SETD4: variants seen among roughly 807,000 people sequenced by gnomAD.
SETD4 encodes SET domain-containing protein 4.
SETD4 carries 46 observed loss-of-function variants against 58.3 expected under a neutral mutation model. The ratio of observed to expected loss-of-function variants is 0.79; its 90% CI spans 0.62 to 1.01. The LOEUF (loss-of-function observed/expected upper bound fraction) is 1.01. Ranked by LOEUF, SETD4 falls within the 50% of genes least tolerant of loss-of-function variation. SETD4 has a pLI of 0.00. For synonymous variants in SETD4, 190 were observed against 202.6 expected, an observed-to-expected ratio of 0.94 and a Z score of 0.53; for missense variants, 490 against 523.3, an observed-to-expected ratio of 0.94 and a Z score of 0.62.
Position 36,057,098 on chromosome 21 carries a change from C to T in SETD4, c.169+11G>A. ...TGGGAAAGGGCAGGACAGCTGAAGGCTAGATCTTACCTGGAAAACAAGCAG... is the reference window on the plus strand; with the variant it reads ...TGGGAAAGGGCAGGACAGCTGAAGGTTAGATCTTACCTGGAAAACAAGCAG... On this transcript the variant is annotated intron_variant, in intron 3 of 11. Transcript: ENST00000332131. 6.2e-7 allele frequency: 1 copy of T among 1,612,528 alleles called. No individual in the cohort carries two copies. The highest frequency in any genetic ancestry group is 1.1e-5 in the South Asian group (1 of 91,038).
intron 3 of SETD4, among the ~76,000 whole-genome samples, chr21:36,056,075 A>C (rs1005921978): frequency 9.9e-5 from 15 of 152,228 alleles, no homozygotes; most frequent in Non-Finnish European, 2.1e-4. Flanking sequence ...GTTCATGACC[A>C]TCAACTAGAA....
intron 8 of SETD4, 106 bp from the exon 9 acceptor site, chr21:36,040,761 T>A: frequency 1.0e-6 from 1 of 959,862 alleles, no homozygotes; most frequent in Non-Finnish European, 1.7e-6. Flanking sequence ...TTGCTAAATG[T>A]CATGTAACCT....
intron 8 of SETD4, among the ~76,000 whole-genome samples, chr21:36,041,194 C>T (rs1365810835): frequency 7.7e-6 from 1 of 130,296 alleles, no homozygotes; most frequent in African/African-American, 2.9e-5. Flanking sequence ...AAAAAAAGAG[C>T]TTAACCATGG....
At chr21:36,057,397 G>A (rs981797933) in intron 2 of SETD4, 193 bp from the exon 3 acceptor site, 4 of 718,406 alleles carry the variant, frequency 5.6e-6, no homozygotes, top group Middle Eastern at 2.3e-4. Context: ...TGTATTCCCA[G>A]CATTTGGGAG....
intron 6 of SETD4, among the ~76,000 whole-genome samples, chr21:36,045,348 C>T (rs1228203504): frequency 2.7e-5 from 4 of 150,666 alleles, no homozygotes; most frequent in African/African-American, 7.3e-5. Flanking sequence ...CAGCACGAGG[C>T]TCTGTAGGCC....
chr21:36,052,557 C>CAAA (rs35631970), intron 4 of SETD4, among the ~76,000 whole-genome samples: 1 of 50,352 alleles, frequency 2.0e-5, no homozygotes. Flanking sequence ...GACTCTGTCT[C>CAAA]AAAAAAAAAA....
At position 36,059,906 on chromosome 21, in the gene SETD4, C is replaced by A. The variant is rs2065204085; in HGVS notation, c.-37+441G>T. 4 of 985,276 alleles carry A rather than the reference C, an allele frequency of 4.1e-6. No individual in the cohort carries two copies. In the Admixed American group the frequency reaches 2.5e-4, roughly 61 times the overall value. The allele number at this position is 985,276 out of a possible 1,614,324, so 61.0% of individuals were successfully genotyped here. On this transcript the variant is annotated intron_variant, in intron 1 of 11. Transcript: ENST00000332131. ...CCAGCGCTCAGTCCACAGACCGCGC[C>A]GGGAAGTGTCCCCAAGACTCCCGGG...
chr21:36,056,783 C>T (rs2065008773), intron 3 of SETD4, among the ~76,000 whole-genome samples: 1 of 152,118 alleles, frequency 6.6e-6, no homozygotes, highest in Non-Finnish European at 1.5e-5. Flanking sequence ...GTCTCAAACT[C>T]ATGAGCTCAA....
Position 36,043,947 on chromosome 21 carries a change from C to G in SETD4, c.736G>C (p.Ala246Pro), listed in dbSNP as rs1443715273. ...NHSPHVQVKA[A>P]FNEETHSYEI... is the part of the protein sequence containing the mutation. ...TAAGAATGAGTTTCTTCATTAAACG[C>G]TGCTTTTACCTAGAAAGAAAAACTG... Residue 246 changes from alanine (A) to proline (P), a missense_variant, in exon 7 of 12, where the codon GCG becomes CCG. Transcript: ENST00000332131. The G allele has an allele frequency of 6.2e-7, 1 of 1,613,858 alleles. No homozygotes were observed. The highest frequency in any genetic ancestry group is 1.1e-5 in the South Asian group (1 of 90,962).
Position 36,057,391 on chromosome 21 carries a change from T to C in SETD4, c.74-187A>G, listed in dbSNP as rs750044932. The C allele has an allele frequency of 5.5e-6, 4 of 721,064 alleles. No homozygotes were observed. The Middle Eastern group carries it at 6.9e-4, about 124-fold the overall frequency. The allele number at this position is 721,064 out of a possible 1,614,324, so 44.7% of individuals were successfully genotyped here. A position where few individuals can be genotyped will look rare whatever the true frequency, so the allele number is the denominator to read the frequency against. The stretch of plus-strand genomic sequence containing the variant: ...CCAGGCGCAATGACTCACTTCTGTA[T>C]TCCCAGCATTTGGGAGGCCAAGGCG... On this transcript the variant is annotated intron_variant, in intron 2 of 11. Coordinates refer to ENST00000332131, the MANE Select transcript of SETD4 (RefSeq NM_017438.5).
Position 36,053,625 on chromosome 21 carries a change from G to A in SETD4, c.170-5C>T, listed in dbSNP as rs1471162007. On this transcript the variant is annotated splice_polypyrimidine_tract_variant and splice_region_variant and intron_variant, in intron 3 of 11. Coordinates refer to ENST00000332131, the MANE Select transcript of SETD4 (RefSeq NM_017438.5). ...TCATCAGCCCTCTTCCTGTACCTAG[G>A]AAAGCAAAGACAGAAAGAGAGTAAA... is the stretch of plus-strand genomic sequence containing the variant. The A allele has an allele frequency of 6.2e-7, 1 of 1,613,608 alleles. No homozygotes were observed. The highest frequency in any genetic ancestry group is 8.5e-7 in the Non-Finnish European group (1 of 1,179,790).
chr21:36,040,536 C>T (rs1288247511), intron 9 of SETD4, 39 bp downstream of exon 9: 1 of 1,546,692 alleles, frequency 6.5e-7, no homozygotes, highest in African/African-American at 1.4e-5. Flanking sequence ...TATATCTAGC[C>T]TGTTGCTACA....
chr21:36,052,558 A>AG (rs35566410), intron 4 of SETD4, among the ~76,000 whole-genome samples: 1 of 122,468 alleles, frequency 8.2e-6, no homozygotes, highest in Non-Finnish European at 1.9e-5. Context: ...ACTCTGTCTC[A>AG]AAAAAAAAAA....
chr21:36,050,612 T>C (rs2064622643), intron 4 of SETD4: 3 of 1,612,402 alleles, frequency 1.9e-6, no homozygotes, highest in Non-Finnish European at 2.5e-6. Context: ...TGCCGGATAC[T>C]TTCTCTTATG....
Position 36,054,674 on chromosome 21 carries a change from G to C in SETD4, c.170-1054C>G, listed in dbSNP as rs146447787. Among the ~76,000 whole-genome samples the C allele has an allele frequency of 6.4e-3, 967 of 151,404 alleles. 10 individuals carry two copies. Among genetic ancestry groups the C allele is most frequent in the African/African-American group, 0.022 (921 of 41,112 alleles). On this transcript the variant is annotated intron_variant, in intron 3 of 11. Coordinates refer to ENST00000332131, the MANE Select transcript of SETD4 (RefSeq NM_017438.5). The stretch of plus-strand genomic sequence containing the variant: ...CTCCTGGCTCATGGTGGGAATTCCT[G>C]CCTCAAGTCCTCCATCGGTTTCCTG...
At chr21:36,053,770 G>T in intron 3 of SETD4, 150 bp from the exon 4 acceptor site, 1 of 761,084 alleles carries the variant, frequency 1.3e-6, no homozygotes. Context: ...GGGAAACAGG[G>T]AGTCAGAAAG....
At chr21:36,053,652 C>A in intron 3 of SETD4, 32 bp from the exon 4 acceptor site, 1 of 1,609,044 alleles carries the variant, frequency 6.2e-7, no homozygotes, top group Non-Finnish European at 8.5e-7. Flanking sequence ...GAGAGTAAAT[C>A]CTACCATAAC....
chr21:36,046,138 C>T, intron 5 of SETD4, 127 bp from the exon 6 acceptor site: 2 of 973,894 alleles, frequency 2.1e-6, no homozygotes, highest in Non-Finnish European at 3.0e-6. Flanking sequence ...ACTTAACAGA[C>T]TCAAGAGTTC....
chr21:36,055,728 C>T (rs752637145), intron 3 of SETD4, among the ~76,000 whole-genome samples: 29 of 152,166 alleles, frequency 1.9e-4, no homozygotes, highest in Admixed American at 4.6e-4. Context: ...CTGCATCACC[C>T]GAAATCTGGG....
Sources: gnomAD v4.1 joint callset for allele counts (sites outside exome capture counted in the v4.1 genomes callset) on GRCh38, gnomAD v4.1.1 for gene constraint, MANE v1.5 for transcripts, NCBI Gene and HGNC (gene_info 2026-07-23, HGNC 2026-07-21) for gene names.